Variants in DNAH9 observed in about 807,000 individuals in gnomAD.
The protein encoded by DNAH9 is DNAH9 variant protein.
DNAH9 carries 345 observed loss-of-function variants against 471.6 expected under a neutral mutation model. That is an observed-to-expected ratio of 0.73 (90% CI 0.67 to 0.80). DNAH9 has a LOEUF of 0.80. DNAH9 is among the 30% of genes least tolerant of loss of function. The probability of loss-of-function intolerance (pLI) is 0.00; values close to 1 mark genes in which losing one functional copy is unlikely to be tolerated. For synonymous variants in DNAH9, 2,093 were observed against 2,123.6 expected (o/e 0.99, Z 0.40); for missense variants, 5,407 against 5,609.2 (o/e 0.96, Z 1.15).
chr17:11,732,653 A>AT (rs2075287796), intron 28 of DNAH9, among the ~76,000 whole-genome samples: 1 of 151,550 alleles, frequency 6.6e-6, no homozygotes, highest in Non-Finnish European at 1.5e-5. Flanking sequence ...TTCCAAAAAA[A>AT]AATTACTCTG....
At chr17:11,610,986 C>T (rs1289600389) in intron 3 of DNAH9, among the ~76,000 whole-genome samples, 4 of 152,116 alleles carry the variant, frequency 2.6e-5, no homozygotes, top group African/African-American at 9.7e-5. Flanking sequence ...TGTTCCGGCT[C>T]ATCACTCGCA....
At chr17:11,794,200 A>T (rs555862401) in intron 42 of DNAH9, among the ~76,000 whole-genome samples, 129 of 151,634 alleles carry the variant, frequency 8.5e-4, no homozygotes, top group Middle Eastern at 3.4e-3. Context: ...ACCCGCCACC[A>T]CACCTGGCTA....
At chr17:11,616,078 G>A (rs955295380) in intron 4 of DNAH9, among the ~76,000 whole-genome samples, 3 of 152,148 alleles carry the variant, frequency 2.0e-5, no homozygotes, top group Admixed American at 6.5e-5. Flanking sequence ...GTGAGCCTCC[G>A]TGAAGCCAAG....
intron 6 of DNAH9, among the ~76,000 whole-genome samples, chr17:11,625,609 G>C (rs1036430073): frequency 2.0e-5 from 3 of 152,206 alleles, no homozygotes; most frequent in Non-Finnish European, 4.4e-5. Flanking sequence ...CCTCTCCTTT[G>C]AGAAGGGGGT....
At chr17:11,921,502 G>T (rs1974138173) in intron 61 of DNAH9, among the ~76,000 whole-genome samples, 1 of 152,056 alleles carries the variant, frequency 6.6e-6, no homozygotes, top group Non-Finnish European at 1.5e-5. Context: ...CAGAAAAGGA[G>T]AGATGAGTCA....
intron 12 of DNAH9, 124 bp downstream of exon 12, chr17:11,647,322 G>C: frequency 2.1e-6 from 2 of 948,394 alleles, no homozygotes; most frequent in South Asian, 1.6e-5. Flanking sequence ...GCCCAGGCTG[G>C]AGTGCAGTGG....
At chr17:11,719,645 T>C (rs1337515292) in intron 27 of DNAH9, among the ~76,000 whole-genome samples, 155 bp downstream of exon 27, 1 of 152,084 alleles carries the variant, frequency 6.6e-6, no homozygotes, top group Non-Finnish European at 1.5e-5. Flanking sequence ...CGTGGTAAAG[T>C]TGGACGTTTG....
At chr17:11,814,701 T>G (rs1182123327) in intron 45 of DNAH9, among the ~76,000 whole-genome samples, 1 of 152,160 alleles carries the variant, frequency 6.6e-6, no homozygotes, top group Admixed American at 6.5e-5. Context: ...ACTGTTCTTT[T>G]TATATATCTG....
chr17:11,808,171 A>T (rs1021934845), intron 44 of DNAH9, among the ~76,000 whole-genome samples: 1 of 152,194 alleles, frequency 6.6e-6, no homozygotes, highest in Non-Finnish European at 1.5e-5. Flanking sequence ...GCACATCTGT[A>T]TCAAATTCAG....
intron 49 of DNAH9, among the ~76,000 whole-genome samples, chr17:11,840,815 C>T (rs1971006158): frequency 6.6e-6 from 1 of 152,100 alleles, no homozygotes; most frequent in African/African-American, 2.4e-5. Flanking sequence ...AGGAATCGGA[C>T]AACCTCTGGA....
intron 35 of DNAH9, among the ~76,000 whole-genome samples, chr17:11,761,619 T>TTGACAAACTG (rs1380237008): frequency 6.6e-6 from 1 of 151,834 alleles, no homozygotes; most frequent in African/African-American, 2.4e-5. Context: ...GCTTGCCCCT[T>TTGACAAACTG]CTCTGCTTTG....
At chr17:11,953,160 T>A (rs761412349) in intron 67 of DNAH9, among the ~76,000 whole-genome samples, 2 of 152,194 alleles carry the variant, frequency 1.3e-5, no homozygotes, top group Non-Finnish European at 2.9e-5. Context: ...CTTCAACATA[T>A]GAATTTGCCA....
intron 26 of DNAH9, among the ~76,000 whole-genome samples, chr17:11,707,604 T>G (rs1597511446): frequency 6.7e-6 from 1 of 149,874 alleles, no homozygotes; most frequent in Non-Finnish European, 1.5e-5. Context: ...CGACTCGAAC[T>G]GCTTCCCTCT....
At chr17:11,747,218 C>T (rs1333291506) in intron 31 of DNAH9, among the ~76,000 whole-genome samples, 1 of 152,164 alleles carries the variant, frequency 6.6e-6, no homozygotes. Flanking sequence ...TAAGATAGTA[C>T]TTATCCTCTT....
In DNAH9 at chr17:11,603,734, C is replaced by T. The variant is rs567526286; in HGVS notation, c.418-4395C>T. Among the ~76,000 whole-genome samples, 3 of 152,298 alleles carry T rather than the reference C, an allele frequency of 2.0e-5. No individual in the cohort carries two copies. The South Asian group carries it at 6.2e-4, about 32-fold the overall frequency. ...TGGAATGTGTGTCTCCTCTTGGTGT[C>T]TCATTATTTTCCTGTTTTATCTCAT... On this transcript the variant is annotated intron_variant, in intron 1 of 68. Coordinates refer to ENST00000262442, the MANE Select transcript of DNAH9 (RefSeq NM_001372.4).
chr17:11,601,485 T>G (rs1456567574), intron 1 of DNAH9, among the ~76,000 whole-genome samples: 3 of 152,184 alleles, frequency 2.0e-5, no homozygotes, highest in Non-Finnish European at 4.4e-5. Flanking sequence ...AAAGCTTTTG[T>G]ACGTTTAAAT....
At position 11,932,136 on chromosome 17, in the gene DNAH9, C is replaced by A; in HGVS notation, c.12228C>A (p.Tyr4076Ter). 1.9e-6 allele frequency: 3 copies of A among 1,614,116 alleles called. No individual in the cohort carries two copies. Among genetic ancestry groups the A allele is most frequent in the South Asian group, 2.2e-5 (2 of 91,066 alleles). The change falls in exon 64 of 69, where the codon TAC becomes TAA. Residue 4076 changes from tyrosine (Y) to a stop codon, truncating the protein, a stop_gained. Coordinates refer to ENST00000262442, the MANE Select transcript of DNAH9 (RefSeq NM_001372.4). LOFTEE classifies it high-confidence loss of function. The surrounding 1 kb of genome is among the most constrained non-coding windows in gnomAD (Gnocchi z 4.3). ...KFGPQGWNRS[Y>*]PFNTGDLTIS... The stretch of plus-strand genomic sequence containing the variant: ...GGCCCCAGGGATGGAATCGCTCATA[C>A]CCCTTTAACACTGGAGACCTCACTA...
intron 1 of DNAH9, among the ~76,000 whole-genome samples, chr17:11,599,214 G>A (rs892059815): frequency 6.6e-6 from 1 of 152,122 alleles, no homozygotes; most frequent in African/African-American, 2.4e-5. Flanking sequence ...GGGTCAGTCC[G>A]GGTCTGGGTT....
Position 11,689,799 on chromosome 17 carries a change from A to C in DNAH9, c.3977A>C (p.Asn1326Thr), listed in dbSNP as rs1269809433. The C allele has an allele frequency of 6.2e-7, 1 of 1,614,068 alleles. No individual in the cohort carries two copies. The highest frequency in any genetic ancestry group is 8.5e-7 in the Non-Finnish European group (1 of 1,180,040). Residue 1326 changes from asparagine (N) to threonine (T), a missense_variant, in exon 20 of 69, where the codon AAT becomes ACT. This residue lies in a region of DNAH9 where 4,636 missense variants were observed against 4,900.3 expected (regional missense o/e 0.95). Coordinates refer to ENST00000262442, the MANE Select transcript of DNAH9 (RefSeq NM_001372.4). ...GCCTGGGAGACCACACCCTGGAGGA[A>C]TATCAACGTGGAAGCCATGGAGTTG... ...IHAWETTPWR[N>T]INVEAMELEC...
Sources: allele counts gnomAD v4.1 joint callset (sites outside exome capture counted in the v4.1 genomes callset), GRCh38; gene constraint gnomAD v4.1.1; regional missense constraint gnomAD v4.1.1; non-coding constraint Gnocchi (gnomAD v3.1); transcripts MANE v1.5; gene names NCBI Gene and HGNC (gene_info 2026-07-23, HGNC 2026-07-21).